Variants in KLRC3 observed in about 807,000 individuals in gnomAD.
KLRC3 encodes the protein killer cell lectin like receptor C3, also known as NKG2-E type II integral membrane protein.
A neutral mutation model predicts 23.6 loss-of-function variants in KLRC3; 16 were observed. That is an observed-to-expected ratio of 0.68 (90% CI 0.46 to 1.03). The LOEUF is 1.03. Ranked by LOEUF, KLRC3 falls within the 50% of genes least tolerant of loss-of-function variation. The probability of loss-of-function intolerance (pLI) is 0.00; values close to 1 mark genes in which losing one functional copy is unlikely to be tolerated. For missense variants in KLRC3, 209 were observed against 232.2 expected, an observed-to-expected ratio of 0.90 and a Z score of 0.65; for synonymous variants, 70 against 71.8, an observed-to-expected ratio of 0.98 and a Z score of 0.13.
intron 6 of KLRC3, among the ~76,000 whole-genome samples, chr12:10,414,997 C>A (rs182314811): frequency 6.6e-6 from 1 of 151,750 alleles, no homozygotes; most frequent in Non-Finnish European, 1.5e-5. Context: ...TGATTCAAAC[C>A]CCCAAAATAC....
rs2682495 is a variant in KLRC3 at position 10,418,366 on chromosome 12, C to G, written c.464G>C (p.Cys155Ser). The change falls in exon 4 of 7, where the codon TGT becomes TCT. Residue 155 changes from cysteine to serine, a missense_variant. By Grantham distance (112) the Cys-to-Ser change is moderately radical. Transcript: ENST00000396439. Reference protein sequence around the residue: ...CASKNSSSLLCIDNEEEMKFL... With the variant: ...CASKNSSSLLSIDNEEEMKFL... ...TACCATTTCTTCTTCATTATCTATA[C>G]AAAGCAGACTAGAAGAGTTCTTTGA... 1,604,969 of 1,609,132 alleles carry G rather than the reference C, an allele frequency of 1. 800,495 individuals are homozygous for G. Among genetic ancestry groups the G allele is most frequent in the East Asian group, 1 (44,790 of 44,790 alleles).
Position 10,412,596 on chromosome 12 carries a change from C to A in KLRC3, c.699G>T (p.Leu233Phe). 3 of 701,084 alleles carry A rather than the reference C, an allele frequency of 4.3e-6. No homozygotes were observed. The highest frequency in any genetic ancestry group is 1.5e-5 in the South Asian group (1 of 67,366). The allele number at this position is 701,084 out of a possible 1,614,324, so 43.4% of individuals were successfully genotyped here. ...CTCAGGAGTTCAAGACCAGCCTGGTCAACATGATGAAACCCCGTCTCTACA... is the reference window on the plus strand; with the variant it reads ...CTCAGGAGTTCAAGACCAGCCTGGTAAACATGATGAAACCCCGTCTCTACA... The part of the protein sequence containing the change: ...SRIIRRGFIM[L>F]TRLVLNS Residue 233 changes from leucine to phenylalanine, a missense_variant, in exon 7 of 7, where the codon TTG becomes TTT. Leu to Phe is a conservative substitution (Grantham distance 22). This residue lies in a region of KLRC3 where 74 missense variants were observed against 51.0 expected (regional missense o/e 1.45). Coordinates refer to ENST00000396439, the MANE Select transcript of KLRC3 (RefSeq NM_002261.3).
intron 6 of KLRC3, among the ~76,000 whole-genome samples, chr12:10,412,903 T>A (rs1457640352): frequency 6.8e-6 from 1 of 147,990 alleles, no homozygotes; most frequent in African/African-American, 2.7e-5. Context: ...TTTTAAAGAC[T>A]CTTCTCTTGA....
rs147422977 is a variant in KLRC3, at chr12:10,418,367, A to T, written c.463T>A (p.Cys155Ser). The T allele has an allele frequency of 4.3e-5, 69 of 1,609,142 alleles. No homozygotes were observed. The African/African-American group carries it at 6.4e-4, about 15-fold the overall frequency. ...ACCATTTCTTCTTCATTATCTATAC[A>T]AAGCAGACTAGAAGAGTTCTTTGAA... is the stretch of plus-strand genomic sequence containing the variant. ...CASKNSSSLL[C>S]IDNEEEMKFL... The change falls in exon 4 of 7, where the codon TGT becomes AGT. Residue 155 changes from cysteine (C) to serine (S), a missense_variant. Around this residue, in one of 4 missense-constraint regions of KLRC3, gnomAD observed 109 missense variants for 113.2 expected, o/e 0.96. Coordinates refer to ENST00000396439, the MANE Select transcript of KLRC3 (RefSeq NM_002261.3).
intron 4 of KLRC3, among the ~76,000 whole-genome samples, 162 bp downstream of exon 4, chr12:10,418,182 G>A (rs34521278): frequency 2.6e-5 from 4 of 152,138 alleles, no homozygotes; most frequent in Admixed American, 1.3e-4. Flanking sequence ...GTACATTAGC[G>A]GTATATAACT....
Position 10,412,459 on chromosome 12 carries a change from GA to G in KLRC3, c.*112del. The stretch of plus-strand genomic sequence containing the variant: ...CATCTAGTTAAAAATAGGGAGGGCA[GA>G]AAAAGTAGATTTTTAAAACACAAGC... On this transcript the variant is annotated 3_prime_UTR_variant, in exon 7 of 7. Transcript: ENST00000396439. 7.4e-6 allele frequency: 5 copies of G among 675,692 alleles called. No homozygotes were observed. The highest frequency in any genetic ancestry group is 1.8e-5 in the African/African-American group (1 of 55,230). 41.9% of individuals were successfully genotyped at this position (675,692 alleles called of 1,614,324 possible). A position where few individuals can be genotyped will look rare whatever the true frequency, so the allele number is the denominator to read the frequency against.
chr12:10,420,446 T>G lies in KLRC3; in HGVS notation c.105A>C (p.Glu35Asp). The G allele has an allele frequency of 6.2e-7, 1 of 1,613,618 alleles. No individual in the cohort carries two copies. The highest frequency in any genetic ancestry group is 8.5e-7 in the Non-Finnish European group (1 of 1,179,814). The stretch of plus-strand genomic sequence containing the variant: ...TTAATTCTACTTGGAATATTTCCTG[T>G]TCGGTTCCTGAAATGGAGCTTTTAT... ...KGNKSSISGT[E>D]QEIFQVELNL... is the part of the protein sequence containing the mutation. The change falls in exon 1 of 7, where the codon GAA (glutamate) becomes GAC (aspartate). Residue 35 changes from glutamate to aspartate, a missense_variant. Physicochemically the swap from Glu to Asp is conservative, Grantham distance 45. Coordinates refer to ENST00000396439, the MANE Select transcript of KLRC3 (RefSeq NM_002261.3).
intron 1 of KLRC3, 142 bp from the exon 2 acceptor site, chr12:10,420,106 C>G (rs1015772803): frequency 1.9e-5 from 11 of 578,338 alleles, no homozygotes; most frequent in African/African-American, 1.7e-4. Context: ...TACATCTACT[C>G]TAGTAATCTT....
In KLRC3 at chr12:10,420,445, G is replaced by A. The variant is rs560598198; in HGVS notation, c.106C>T (p.Gln36Ter). 1.2e-6 allele frequency: 2 copies of A among 1,613,356 alleles called. No individual in the cohort carries two copies. The highest frequency in any genetic ancestry group is 1.7e-6 in the Non-Finnish European group (2 of 1,179,784). The change falls in exon 1 of 7, where the codon CAG becomes TAG. Residue 36 changes from glutamine to a stop codon, truncating the protein, a stop_gained. Coordinates refer to ENST00000396439, the MANE Select transcript of KLRC3 (RefSeq NM_002261.3). LOFTEE classifies it high-confidence loss of function. ...TTTAATTCTACTTGGAATATTTCCT[G>A]TTCGGTTCCTGAAATGGAGCTTTTA... ...GNKSSISGTEQEIFQVELNLQ... is the reference protein window; with the variant it reads ...GNKSSISGTE
intron 2 of KLRC3, 105 bp from the exon 3 acceptor site, chr12:10,419,193 G>T: frequency 8.3e-6 from 1 of 120,890 alleles, no homozygotes; most frequent in Admixed American, 1.2e-4. Context: ...TTAAAATGGG[G>T]AGAATCTTTA....
chr12:10,419,241 T>TA (rs201384900), intron 2 of KLRC3, among the ~76,000 whole-genome samples, 153 bp from the exon 3 acceptor site: 2,533 of 49,856 alleles, frequency 0.051, 186 homozygotes, highest in South Asian at 0.25. Flanking sequence ...TATAAAGTAA[T>TA]AGACCTTTGA....
Position 10,412,549 on chromosome 12 carries a change from C to T in KLRC3, c.*23G>A, listed in dbSNP as rs1284334312. ...CAGTAATCCCAGCAACTTGGGAGGC[C>T]AAGATGTGTTGATTTCTTGAGCTCA... On this transcript the variant is annotated 3_prime_UTR_variant, in exon 7 of 7. Transcript: ENST00000396439. 5 of 701,656 alleles carry T rather than the reference C, an allele frequency of 7.1e-6. No individual in the cohort carries two copies. Among genetic ancestry groups the T allele is most frequent in the Admixed American group, 6.0e-5 (3 of 49,942 alleles). The allele number at this position is 701,656 out of a possible 1,614,324, so 43.5% of individuals were successfully genotyped here.
chr12:10,418,239 A>G (rs1469456356), intron 4 of KLRC3, 105 bp downstream of exon 4: 1 of 1,139,740 alleles, frequency 8.8e-7, no homozygotes, highest in Non-Finnish European at 1.3e-6. Context: ...ATACACTTGA[A>G]AATATATAAG....
chr12:10,420,458 A>G lies in KLRC3; in HGVS notation c.93T>C (p.Ile31=), dbSNP rs1863705769. The G allele has an allele frequency of 6.2e-7, 1 of 1,613,268 alleles. No homozygotes were observed. Among genetic ancestry groups the G allele is most frequent in the Non-Finnish European group, 8.5e-7 (1 of 1,179,724 alleles). ...GGAATATTTCCTGTTCGGTTCCTGA[A>G]ATGGAGCTTTTATTGCCTTTAGGTT... ...QRKPKGNKSS[I]SGTEQEIFQV... is the part of the protein sequence containing the mutation. Residue 31 remains isoleucine (I), a synonymous_variant, in exon 1 of 7, where the codon ATT becomes ATC. Coordinates refer to ENST00000396439, the MANE Select transcript of KLRC3 (RefSeq NM_002261.3).
At chr12:10,415,993 C>G (rs578262810) in intron 5 of KLRC3, among the ~76,000 whole-genome samples, 199 bp from the exon 6 acceptor site, 2 of 152,102 alleles carry the variant, frequency 1.3e-5, no homozygotes, top group East Asian at 3.9e-4. Flanking sequence ...GTTTCAAGAC[C>G]CCACTGAATG....
chr12:10,416,909 C>T (rs954993324), intron 4 of KLRC3, 142 bp from the exon 5 acceptor site: 10 of 668,348 alleles, frequency 1.5e-5, no homozygotes, highest in South Asian at 1.1e-4. Context: ...AACTCTTCAA[C>T]GTTTATACTT....
intron 4 of KLRC3, among the ~76,000 whole-genome samples, chr12:10,417,656 A>AC (rs62687360): frequency 0.69 from 104,492 of 151,952 alleles, 36,086 homozygotes; most frequent in South Asian, 0.81. Flanking sequence ...CAGGAAAGGG[A>AC]CCCACGACTA....
chr12:10,412,731 G>A (rs1863592211), intron 6 of KLRC3, 115 bp from the exon 7 acceptor site: 2 of 619,760 alleles, frequency 3.2e-6, no homozygotes, highest in Non-Finnish European at 2.8e-6. Context: ...AGGCTGCAGT[G>A]AGCCGAGATG....
intron 6 of KLRC3, among the ~76,000 whole-genome samples, chr12:10,414,795 GAAAAT>G (rs1467864139): frequency 1.3e-5 from 2 of 151,258 alleles, no homozygotes; most frequent in Admixed American, 6.6e-5. Flanking sequence ...AAAAAGAAAA[GAAAAT>G]AAAATTGCTG....
Sources: gnomAD v4.1 joint callset for allele counts (sites outside exome capture counted in the v4.1 genomes callset) on GRCh38, gnomAD v4.1.1 for gene constraint, gnomAD v4.1.1 regional missense constraint, MANE v1.5 for transcripts, NCBI Gene and HGNC (gene_info 2026-07-23, HGNC 2026-07-21) for gene names.